The following ANKRD44 variants were observed in gnomAD, a reference collection of about 807,000 sequenced individuals.
ANKRD44 encodes the protein ankyrin repeat domain 44.
A neutral mutation model predicts 116.0 loss-of-function variants in ANKRD44; 35 were observed. The ratio of observed to expected loss-of-function variants is 0.30; its 90% confidence interval spans 0.23 to 0.40. The LOEUF (loss-of-function observed/expected upper bound fraction) is 0.40. ANKRD44 is among the 10% of genes least tolerant of loss of function. ANKRD44 has a pLI of 1.00. For synonymous variants in ANKRD44, 435 were observed against 461.8 expected, an observed-to-expected ratio of 0.94 and a Z score of 0.74; for missense variants, 1,014 against 1,242.6, an observed-to-expected ratio of 0.82 and a Z score of 2.77.
chr2:197,107,236 A>G (rs1007390606), intron 9 of ANKRD44, among the ~76,000 whole-genome samples: 10 of 152,234 alleles, frequency 6.6e-5, no homozygotes, highest in East Asian at 1.9e-4. Context: ...AAAATCTCAC[A>G]TTGACTCATC....
intron 4 of ANKRD44, among the ~76,000 whole-genome samples, chr2:197,126,932 G>A (rs1289990162): frequency 6.6e-6 from 1 of 151,906 alleles, no homozygotes; most frequent in Non-Finnish European, 1.5e-5. Context: ...TGATCACAAT[G>A]AGCTGTGATC....
chr2:197,097,015 C>T (rs767712667), intron 10 of ANKRD44, among the ~76,000 whole-genome samples: 1 of 152,314 alleles, frequency 6.6e-6, no homozygotes, highest in Non-Finnish European at 1.5e-5. Context: ...ATGTTTCCCT[C>T]ATCTGTGTCC....
At chr2:197,107,951 T>C (rs2078472191) in intron 9 of ANKRD44, among the ~76,000 whole-genome samples, 1 of 152,252 alleles carries the variant, frequency 6.6e-6, no homozygotes, top group Non-Finnish European at 1.5e-5. Flanking sequence ...AGTTCTCACA[T>C]GTGTTATGAA....
intron 10 of ANKRD44, among the ~76,000 whole-genome samples, chr2:197,094,515 C>A (rs1574444167): frequency 6.6e-6 from 1 of 152,144 alleles, no homozygotes; most frequent in African/African-American, 2.4e-5. Flanking sequence ...GGTTGTACTT[C>A]CTTAAAATCA....
At chr2:197,144,347 C>A (rs923248382) in intron 3 of ANKRD44, among the ~76,000 whole-genome samples, 3 of 152,214 alleles carry the variant, frequency 2.0e-5, no homozygotes. Context: ...TAATCATTAG[C>A]ACCTCATTCA....
rs61752170 is a variant in ANKRD44, at chr2:197,007,850, C to T, written c.2086G>A (p.Val696Ile). Residue 696 changes from valine (V) to isoleucine (I), a missense_variant, in exon 20 of 28, where the codon GTA (valine) becomes ATA (isoleucine). Coordinates refer to ENST00000282272, the MANE Select transcript of ANKRD44 (RefSeq NM_001195144.2). ...VSLLLEKEAN[V>I]DTVDILGCTA... ...CATCCTAGGATGTCAACAGTGTCTACGTTGGCTTCCTTTTCAAGTAACAAT... is the reference window on the plus strand; with the variant it reads ...CATCCTAGGATGTCAACAGTGTCTATGTTGGCTTCCTTTTCAAGTAACAAT... 0.011 allele frequency: 18,229 copies of T among 1,613,924 alleles called. 128 individuals carry two copies. The highest frequency in any genetic ancestry group is 0.034 in the Middle Eastern group (206 of 6,062).
At chr2:197,088,136 A>G (rs992644937) in intron 12 of ANKRD44, among the ~76,000 whole-genome samples, 7 of 152,228 alleles carry the variant, frequency 4.6e-5, no homozygotes, top group Admixed American at 2.0e-4. Context: ...CAGAGCTTCA[A>G]TCTTACCACT....
In ANKRD44 at chr2:197,201,584, G is replaced by T. The variant is rs1160551281; in HGVS notation, c.28-14478C>A. ...TCTGAATGATGTGGAGACCCTGTTA[G>T]TGTCGTCGCATGTTAAATCTAGATT... On this transcript the variant is annotated intron_variant, in intron 1 of 27. Coordinates refer to ENST00000282272, the MANE Select transcript of ANKRD44 (RefSeq NM_001195144.2). This position sits in a 1 kb window ranked among gnomAD's most constrained non-coding sequence, Gnocchi z 4.0. Among the ~76,000 whole-genome samples the T allele has an allele frequency of 6.6e-6, 1 of 152,176 alleles. No homozygotes were observed. The highest frequency in any genetic ancestry group is 1.9e-4 in the East Asian group (1 of 5,196).
At chr2:197,151,801 C>T (rs1032464656) in intron 2 of ANKRD44, among the ~76,000 whole-genome samples, 3 of 152,180 alleles carry the variant, frequency 2.0e-5, no homozygotes, top group Admixed American at 6.5e-5. Context: ...AAAACAATAG[C>T]AGGGAAGTGG....
chr2:197,159,697 A>T (rs2079910669), intron 2 of ANKRD44, among the ~76,000 whole-genome samples: 1 of 152,258 alleles, frequency 6.6e-6, no homozygotes, highest in African/African-American at 2.4e-5. Flanking sequence ...TGATTCATAA[A>T]GTTGCCAAGT....
At chr2:197,018,481 CA>C (rs1186148955) in intron 17 of ANKRD44, among the ~76,000 whole-genome samples, 2 of 152,178 alleles carry the variant, frequency 1.3e-5, no homozygotes, top group East Asian at 1.9e-4. Context: ...ATCACCTTAT[CA>C]GGGGGGCTTC....
intron 1 of ANKRD44, among the ~76,000 whole-genome samples, chr2:197,255,841 G>A (rs2082431901): frequency 6.6e-6 from 1 of 152,258 alleles, no homozygotes; most frequent in Non-Finnish European, 1.5e-5. Context: ...AGAGCAGGAA[G>A]GACCCTGCGC....
chr2:197,065,321 T>C (rs563680186), intron 16 of ANKRD44, among the ~76,000 whole-genome samples: 183 of 152,316 alleles, frequency 1.2e-3, no homozygotes, highest in African/African-American at 4.2e-3. Flanking sequence ...GAGGGAAATT[T>C]ATAGCACTAA....
At chr2:197,181,500 C>T (rs2080504528) in intron 2 of ANKRD44, among the ~76,000 whole-genome samples, 1 of 152,202 alleles carries the variant, frequency 6.6e-6, no homozygotes, top group South Asian at 2.1e-4. Flanking sequence ...AGACTTTAAA[C>T]ATTACCTCGT....
chr2:196,982,557 C>T (rs1482463355), downstream of ANKRD44, among the ~76,000 whole-genome samples: 1 of 152,156 alleles, frequency 6.6e-6, no homozygotes, highest in Admixed American at 6.5e-5. Context: ...ATGATCCCAG[C>T]CCTGGCTTCT....
At chr2:197,151,123 CA>C (rs57630063) in intron 2 of ANKRD44, among the ~76,000 whole-genome samples, 1,523 of 139,668 alleles carry the variant, frequency 0.011, 28 homozygotes, top group African/African-American at 0.038. Flanking sequence ...TGAAAATATG[CA>C]AAAAAAAAAA....
intron 2 of ANKRD44, among the ~76,000 whole-genome samples, chr2:197,166,041 C>T (rs780754311): frequency 3.3e-5 from 5 of 152,132 alleles, no homozygotes; most frequent in Admixed American, 1.3e-4. Flanking sequence ...TTAATCTATA[C>T]CAAAGCTTAA....
rs895029429 is a variant in ANKRD44, at chr2:197,076,269, G to A, written c.1650+2434C>T. The stretch of plus-strand genomic sequence containing the variant: ...TTAAAAGGATGACCCCTGCGAAGAC[G>A]GCTATTTGTGTTGGGAGATGAGGAA... On this transcript the variant is annotated intron_variant, in intron 16 of 27. Transcript: ENST00000282272. Among the ~76,000 whole-genome samples the A allele has an allele frequency of 3.9e-5, 6 of 152,280 alleles. No homozygotes were observed. In the South Asian group the frequency reaches 6.2e-4, roughly 16 times the overall value.
At chr2:197,182,708 A>G (rs1278311179) in intron 2 of ANKRD44, among the ~76,000 whole-genome samples, 1 of 152,144 alleles carries the variant, frequency 6.6e-6, no homozygotes, top group African/African-American at 2.4e-5. Flanking sequence ...GCAGATCCCA[A>G]ATATATGAAA....
Sources: allele counts gnomAD v4.1 joint callset (sites outside exome capture counted in the v4.1 genomes callset), GRCh38; gene constraint gnomAD v4.1.1; non-coding constraint Gnocchi (gnomAD v3.1); transcripts MANE v1.5; gene names NCBI Gene and HGNC (gene_info 2026-07-23, HGNC 2026-07-21).